Variants in ATL2 observed in about 807,000 individuals in gnomAD.
ATL2 encodes atlastin GTPase 2.
ATL2 carries 31 observed loss-of-function variants against 73.9 expected under a neutral mutation model. That is an observed-to-expected ratio of 0.42 (90% CI 0.32 to 0.57). The LOEUF is 0.57. Ranked by LOEUF, ATL2 falls within the 20% of genes least tolerant of loss-of-function variation. The pLI is 0.14. For synonymous variants in ATL2, 291 were observed against 237.5 expected (o/e 1.23, Z -2.07); for missense variants, 738 against 702.6 (o/e 1.05, Z -0.57).
chr2:38,339,578 C>T (rs755634051), intron 2 of ATL2, among the ~76,000 whole-genome samples: 13 of 151,732 alleles, frequency 8.6e-5, no homozygotes, highest in Non-Finnish European at 1.6e-4. Flanking sequence ...ATGAAAAAAA[C>T]ACTTCTAAAA....
At chr2:38,365,884 T>G (rs1573587987) in intron 1 of ATL2, among the ~76,000 whole-genome samples, 1 of 151,690 alleles carries the variant, frequency 6.6e-6, no homozygotes, top group African/African-American at 2.4e-5. Context: ...GAAGCAGAGG[T>G]TGCAGTGAGC....
chr2:38,303,520 C>T (rs1667289802), intron 9 of ATL2, among the ~76,000 whole-genome samples: 1 of 151,704 alleles, frequency 6.6e-6, no homozygotes, highest in African/African-American at 2.4e-5. Context: ...CCTGAACAAG[C>T]AGAAGAATTA....
chr2:38,331,467 G>A (rs57442056), intron 2 of ATL2, among the ~76,000 whole-genome samples: 17,867 of 147,276 alleles, frequency 0.12, 2,558 homozygotes, highest in African/African-American at 0.35. Flanking sequence ...AAAATTAGCC[G>A]GGCATGGCAG....
chr2:38,333,704 A>G (rs189771148), intron 2 of ATL2, among the ~76,000 whole-genome samples: 1 of 152,348 alleles, frequency 6.6e-6, no homozygotes, highest in African/African-American at 2.4e-5. Context: ...GGCAATACAT[A>G]CATTTGGGAC....
chr2:38,340,169 GGT>G (rs1491448527), intron 2 of ATL2, among the ~76,000 whole-genome samples: 1 of 84,338 alleles, frequency 1.2e-5, no homozygotes, highest in African/African-American at 8.2e-5. Flanking sequence ...AGTTAGTTTT[GGT>G]GGGGGGGGGG....
At position 38,354,987 on chromosome 2, in the gene ATL2, G is replaced by C. The variant is rs542570437; in HGVS notation, c.119-11475C>G. On this transcript the variant is annotated intron_variant, in intron 1 of 12. Coordinates refer to ENST00000378954, the MANE Select transcript of ATL2 (RefSeq NM_001135673.4). Reference sequence around the variant, plus strand: ...TAAAAAATAAGAACAAAAGACAAAAGAGATGAATGAAAAACACGCAAGATG... The same window carrying C: ...TAAAAAATAAGAACAAAAGACAAAACAGATGAATGAAAAACACGCAAGATG... Among the ~76,000 whole-genome samples, 15 of 152,218 alleles carry C rather than the reference G, an allele frequency of 9.9e-5. No individual in the cohort carries two copies. In the East Asian group the frequency reaches 2.7e-3, roughly 27 times the overall value.
chr2:38,307,258 G>T (rs1359537762), intron 9 of ATL2, among the ~76,000 whole-genome samples: 24 of 152,036 alleles, frequency 1.6e-4, no homozygotes, highest in Non-Finnish European at 3.5e-4. Context: ...CTTTTTTGAT[G>T]TGCAAAACCT....
intron 1 of ATL2, among the ~76,000 whole-genome samples, chr2:38,347,242 C>A (rs1670076665): frequency 6.6e-6 from 1 of 152,180 alleles, no homozygotes; most frequent in Non-Finnish European, 1.5e-5. Context: ...TAGCAGAGGG[C>A]CTTATAAAGC....
At chr2:38,313,353 CAA>C (rs1230459949) in intron 6 of ATL2, 110 bp from the exon 7 acceptor site, 2 of 760,092 alleles carry the variant, frequency 2.6e-6, no homozygotes, top group Non-Finnish European at 4.1e-6. Flanking sequence ...CAATCCTTAT[CAA>C]AAGTTATAGT....
intron 2 of ATL2, among the ~76,000 whole-genome samples, chr2:38,326,414 C>T (rs900050715): frequency 6.6e-6 from 1 of 152,144 alleles, no homozygotes; most frequent in African/African-American, 2.4e-5. Flanking sequence ...CAAAAAATTA[C>T]AAGCCATGCC....
chr2:38,347,493 A>T (rs929552014), intron 1 of ATL2, among the ~76,000 whole-genome samples: 1 of 152,062 alleles, frequency 6.6e-6, no homozygotes, highest in Admixed American at 6.6e-5. Context: ...TAAATCACAG[A>T]TCCCTTTCCT....
intron 6 of ATL2, 46 bp downstream of exon 6, chr2:38,314,562 A>T (rs1435380279): frequency 7.1e-7 from 1 of 1,414,238 alleles, no homozygotes; most frequent in Non-Finnish European, 9.9e-7. Context: ...GTGGCTTCAC[A>T]ACTTCTCATA....
At chr2:38,364,991 C>T (rs13424633) in intron 1 of ATL2, among the ~76,000 whole-genome samples, 36,071 of 151,208 alleles carry the variant, frequency 0.24, 4,387 homozygotes, top group South Asian at 0.38. Context: ...TTGCAGTGAG[C>T]TGAGATCACG....
chr2:38,322,322 A>C (rs1221709909), intron 2 of ATL2, among the ~76,000 whole-genome samples: 1 of 152,210 alleles, frequency 6.6e-6, no homozygotes, highest in East Asian at 1.9e-4. Flanking sequence ...CAAGAAGGTA[A>C]GTTTCACAAA....
At chr2:38,317,118 G>A (rs971793861) in intron 4 of ATL2, among the ~76,000 whole-genome samples, 1 of 152,070 alleles carries the variant, frequency 6.6e-6, no homozygotes, top group Admixed American at 6.6e-5. Flanking sequence ...GGAGCTTAGA[G>A]AGACGAGTCA....
chr2:38,314,702 A>G (rs776234997), intron 5 of ATL2, 38 bp from the exon 6 acceptor site: 8 of 1,357,402 alleles, frequency 5.9e-6, no homozygotes, highest in South Asian at 1.3e-5. Context: ...GCCTCTAAAG[A>G]GATTGAAAGA....
chr2:38,355,580 TA>T (rs1470052759), intron 1 of ATL2, among the ~76,000 whole-genome samples: 1 of 152,026 alleles, frequency 6.6e-6, no homozygotes, highest in Non-Finnish European at 1.5e-5. Context: ...GCATACCACA[TA>T]TAAAATGTGT....
intron 6 of ATL2, among the ~76,000 whole-genome samples, chr2:38,314,376 C>T (rs1667916135): frequency 6.6e-6 from 1 of 152,148 alleles, no homozygotes; most frequent in Non-Finnish European, 1.5e-5. Context: ...CATTACTCCC[C>T]TTAATCTAAG....
chr2:38,374,158 C>G (rs1305887781), intron 1 of ATL2, among the ~76,000 whole-genome samples: 2 of 152,136 alleles, frequency 1.3e-5, no homozygotes, highest in African/African-American at 4.8e-5. Context: ...CCGAAAAGTG[C>G]TGGGATTACA....
Sources: gnomAD v4.1 joint callset for allele counts (sites outside exome capture counted in the v4.1 genomes callset) on GRCh38, gnomAD v4.1.1 for gene constraint, MANE v1.5 for transcripts, NCBI Gene and HGNC (gene_info 2026-07-23, HGNC 2026-07-21) for gene names.